SEC22A: variants seen among roughly 807,000 people sequenced by gnomAD.
SEC22A encodes the protein vesicle-trafficking protein SEC22a.
SEC22A carries 22 observed loss-of-function variants against 35.3 expected under a neutral mutation model. That is an observed-to-expected ratio of 0.62 (90% CI 0.45 to 0.89). The LOEUF (loss-of-function observed/expected upper bound fraction) is 0.89. Among genes scored for constraint, SEC22A ranks in the 40% least tolerant of loss-of-function variants. SEC22A has a pLI of 0.00. For synonymous variants in SEC22A, 119 were observed against 129.5 expected (o/e 0.92, Z 0.55); for missense variants, 354 against 362.5 (o/e 0.98, Z 0.19).
chr3:123,245,451 T>G (rs1212570437), intron 4 of SEC22A, among the ~76,000 whole-genome samples: 2 of 152,130 alleles, frequency 1.3e-5, no homozygotes, highest in Admixed American at 1.3e-4. Context: ...TACCAGCACT[T>G]TGGGAGGCCA....
At position 123,253,650 on chromosome 3, in the gene SEC22A, TGTA is replaced by T. The variant is rs968207865; in HGVS notation, c.658-5871_658-5869del. ...TTGCTTGAACCTGGGAGGCGGAGGT[TGTA>T]GTGAGCCGAAGATTGTGCCATTGCA... On this transcript the variant is annotated intron_variant, in intron 5 of 6. Transcript: ENST00000492595. Among the ~76,000 whole-genome samples, 3 of 149,706 alleles carry T rather than the reference TGTA, an allele frequency of 2.0e-5. No homozygotes were observed. In the Admixed American group the frequency reaches 2.0e-4, roughly 10 times the overall value.
intron 6 of SEC22A, among the ~76,000 whole-genome samples, chr3:123,265,140 T>C (rs1015044995): frequency 6.6e-6 from 1 of 152,292 alleles, no homozygotes; most frequent in East Asian, 1.9e-4. Context: ...GTAAAGAATA[T>C]AGTATAACAG....
chr3:123,246,131 G>T (rs1937564052), intron 5 of SEC22A, 117 bp downstream of exon 5: 2 of 600,722 alleles, frequency 3.3e-6, no homozygotes, highest in Non-Finnish European at 6.0e-6. Context: ...CAAAATCTAT[G>T]TTTTTTTATA....
intron 2 of SEC22A, among the ~76,000 whole-genome samples, chr3:123,217,236 C>T (rs1018324040): frequency 5.3e-5 from 8 of 150,808 alleles, no homozygotes; most frequent in Admixed American, 6.6e-5. Context: ...CTCGCTCTGT[C>T]GCCCAGGCTG....
intron 4 of SEC22A, among the ~76,000 whole-genome samples, chr3:123,227,609 AAAAG>A (rs1327747823): frequency 1.3e-5 from 2 of 152,230 alleles, no homozygotes; most frequent in African/African-American, 4.8e-5. Context: ...GTATAATAAA[AAAAG>A]AAATAAAAAT....
chr3:123,247,227 T>C (rs1418637586), intron 5 of SEC22A, among the ~76,000 whole-genome samples: 2 of 152,044 alleles, frequency 1.3e-5, no homozygotes, highest in African/African-American at 2.4e-5. Flanking sequence ...AATAAGATAC[T>C]CTTTTTTTTT....
At chr3:123,222,682 A>G (rs940603385) in intron 2 of SEC22A, among the ~76,000 whole-genome samples, 1 of 152,196 alleles carries the variant, frequency 6.6e-6, no homozygotes, top group African/African-American at 2.4e-5. Flanking sequence ...CTTTCTCAGG[A>G]TATAACATCT....
chr3:123,206,340 G>C (rs1414350596), intron 1 of SEC22A, among the ~76,000 whole-genome samples: 2 of 152,072 alleles, frequency 1.3e-5, no homozygotes, highest in African/African-American at 4.8e-5. Flanking sequence ...GCAGTGTTGG[G>C]ATTATGGGTA....
intron 6 of SEC22A, among the ~76,000 whole-genome samples, chr3:123,260,425 A>G (rs1019402572): frequency 1.3e-5 from 2 of 152,186 alleles, no homozygotes; most frequent in African/African-American, 4.8e-5. Context: ...TGAGGATAGA[A>G]AAAAATAGAC....
intron 2 of SEC22A, among the ~76,000 whole-genome samples, chr3:123,212,083 T>A (rs958670809): frequency 1.3e-5 from 2 of 151,872 alleles, no homozygotes; most frequent in African/African-American, 2.4e-5. Flanking sequence ...ATAAATAAAT[T>A]GAGGTTTTGA....
At chr3:123,252,245 C>T (rs956315562) in intron 5 of SEC22A, among the ~76,000 whole-genome samples, 1 of 152,076 alleles carries the variant, frequency 6.6e-6, no homozygotes, top group African/African-American at 2.4e-5. Context: ...TCTGGTTGAT[C>T]ATTACATTTT....
At chr3:123,253,613 G>A (rs1485841154) in intron 5 of SEC22A, among the ~76,000 whole-genome samples, 3 of 151,656 alleles carry the variant, frequency 2.0e-5, no homozygotes, top group Admixed American at 2.0e-4. Context: ...TCCGCAGGCT[G>A]AGGCAGGAGA....
intron 6 of SEC22A, among the ~76,000 whole-genome samples, chr3:123,260,947 TGCCTCAGCCTCCCGA>T (rs1254919307): frequency 6.6e-6 from 1 of 151,762 alleles, no homozygotes. Flanking sequence ...GGCATTCTCC[TGCCTCAGCCTCCCGA>T]GTAGCTGGGA....
intron 1 of SEC22A, among the ~76,000 whole-genome samples, chr3:123,204,183 A>G (rs930849682): frequency 6.6e-6 from 1 of 152,246 alleles, no homozygotes; most frequent in Admixed American, 6.5e-5. Context: ...TACATATTTG[A>G]ATGAAACAAG....
intron 3 of SEC22A, 45 bp downstream of exon 3, chr3:123,223,767 A>G (rs188890153): frequency 2.4e-5 from 34 of 1,413,992 alleles, no homozygotes; most frequent in East Asian, 1.9e-4. Context: ...TCTGCATCCA[A>G]TCATAAGCAA....
At chr3:123,233,767 T>G (rs186734219) in intron 4 of SEC22A, among the ~76,000 whole-genome samples, 18 of 152,288 alleles carry the variant, frequency 1.2e-4, no homozygotes, top group African/African-American at 4.3e-4. Context: ...GACAGGATGC[T>G]TTTTCCTAAG....
At chr3:123,249,571 C>T (rs1339871706) in intron 5 of SEC22A, among the ~76,000 whole-genome samples, 2 of 152,124 alleles carry the variant, frequency 1.3e-5, no homozygotes, top group African/African-American at 2.4e-5. Context: ...GTCGCCCAGG[C>T]TGGAGTGCAA....
intron 5 of SEC22A, among the ~76,000 whole-genome samples, chr3:123,249,597 T>C (rs1937594340): frequency 6.6e-6 from 1 of 152,188 alleles, no homozygotes; most frequent in Non-Finnish European, 1.5e-5. Flanking sequence ...TGGTTTCGGC[T>C]CACTGCAGCC....
intron 5 of SEC22A, among the ~76,000 whole-genome samples, chr3:123,256,760 T>TC (rs57668681): frequency 0.014 from 1,759 of 128,392 alleles, 78 homozygotes; most frequent in African/African-American, 0.059. Context: ...TTTCTTTCCT[T>TC]TTTTTTTTTT....
Sources: allele counts gnomAD v4.1 joint callset (sites outside exome capture counted in the v4.1 genomes callset), GRCh38; gene constraint gnomAD v4.1.1; transcripts MANE v1.5; gene names NCBI Gene and HGNC (gene_info 2026-07-23, HGNC 2026-07-21).